ROBO2: variants seen among roughly 807,000 people sequenced by gnomAD.
ROBO2 encodes roundabout guidance receptor 2, also known as roundabout homolog 2.
In ROBO2, 53 loss-of-function variants were observed where a neutral mutation model predicts 160.8. That is an observed-to-expected ratio of 0.33 (90% CI 0.26 to 0.41). The LOEUF (loss-of-function observed/expected upper bound fraction) is 0.41, where lower values mean the gene tolerates loss of function less well. ROBO2 is among the 10% of genes least tolerant of loss of function. ROBO2 has a pLI of 1.00. For missense variants in ROBO2, 1,577 were observed against 1,722.4 expected (o/e 0.92, Z 1.49); for synonymous variants, 664 against 611.7 (o/e 1.09, Z -1.26).
chr3:76,130,345 G>A (rs988630444), intron 2 of ROBO2, among the ~76,000 whole-genome samples: 5 of 151,972 alleles, frequency 3.3e-5, no homozygotes, highest in South Asian at 2.1e-4. Context: ...TGTTTATGCC[G>A]CTATAATTTC....
intron 2 of ROBO2, among the ~76,000 whole-genome samples, chr3:76,810,751 C>G (rs1421275993): frequency 6.6e-6 from 1 of 151,960 alleles, no homozygotes; most frequent in Non-Finnish European, 1.5e-5. Flanking sequence ...AAAAGCTAAC[C>G]TGAAAACAAA....
intron 2 of ROBO2, among the ~76,000 whole-genome samples, chr3:76,480,370 G>T (rs963454804): frequency 2.6e-5 from 4 of 152,072 alleles, no homozygotes; most frequent in Non-Finnish European, 5.9e-5. Flanking sequence ...GTGTCCTTGG[G>T]TTCACTGCTT....
At chr3:76,412,379 T>C (rs2075535997) in intron 2 of ROBO2, among the ~76,000 whole-genome samples, 1 of 152,172 alleles carries the variant, frequency 6.6e-6, no homozygotes, top group Admixed American at 6.5e-5. Context: ...AAACCAATCA[T>C]GCCTTCCCAA....
At chr3:77,102,746 C>T (rs2072148060) in intron 2 of ROBO2, among the ~76,000 whole-genome samples, 1 of 150,662 alleles carries the variant, frequency 6.6e-6, no homozygotes, top group Non-Finnish European at 1.5e-5. Context: ...TTAATACATG[C>T]TTCACCTTTA....
intron 2 of ROBO2, among the ~76,000 whole-genome samples, chr3:77,357,531 T>C (rs2153463812): frequency 6.6e-6 from 1 of 152,276 alleles, no homozygotes; most frequent in East Asian, 1.9e-4. Context: ...CATTACCCAG[T>C]CTCAGGTATT....
At chr3:76,279,704 T>A (rs1257892304) in intron 2 of ROBO2, among the ~76,000 whole-genome samples, 2 of 151,656 alleles carry the variant, frequency 1.3e-5, no homozygotes, top group East Asian at 3.9e-4. Context: ...GAATATTAGA[T>A]AAGGGGAAAC....
intron 2 of ROBO2, among the ~76,000 whole-genome samples, chr3:77,216,542 G>T (rs567546140): frequency 6.6e-6 from 1 of 152,090 alleles, no homozygotes; most frequent in Non-Finnish European, 1.5e-5. Flanking sequence ...GCGATGCCTC[G>T]CCCTGCTTCA....
chr3:76,816,676 T>A (rs1219151912), intron 2 of ROBO2, among the ~76,000 whole-genome samples: 1 of 151,890 alleles, frequency 6.6e-6, no homozygotes, highest in Non-Finnish European at 1.5e-5. Context: ...TCCTCAAGGA[T>A]TTAGAACTAG....
At chr3:76,711,660 G>A (rs903617154) in intron 2 of ROBO2, among the ~76,000 whole-genome samples, 1 of 152,140 alleles carries the variant, frequency 6.6e-6, no homozygotes, top group African/African-American at 2.4e-5. Context: ...TAAGTCGACC[G>A]TCTAGAATGG....
chr3:77,038,628 A>G (rs1237157836), upstream of ROBO2, among the ~76,000 whole-genome samples: 2 of 152,070 alleles, frequency 1.3e-5, no homozygotes, highest in Non-Finnish European at 2.9e-5. Context: ...GACCTGCGTG[A>G]GTTCCTATAA....
Position 76,704,304 on chromosome 3 carries a change from TC to T in ROBO2, c.110-393709del, listed in dbSNP as rs2093111515. 3.3e-5 allele frequency among the ~76,000 whole-genome samples: 5 copies of T among 152,286 alleles called. No individual in the cohort carries two copies. The South Asian group carries it at 1.0e-3, about 32-fold the overall frequency. On this transcript the variant is annotated intron_variant, in intron 2 of 26. Coordinates refer to the ROBO2 transcript ENST00000487694. ...CACAGCAATTGCTTTCAAAACTCCA[TC>T]TTTGTTTAATTTGAATTTCACTTCC... is the stretch of plus-strand genomic sequence containing the variant.
rs1429219759 is a variant in ROBO2 at position 77,061,792 on chromosome 3, G to A, written c.61+20946G>A. ...CTTTAACAGGATTACTGAGTTCCGG[G>A]TGGAACCAATTAACATATAGGGACA... On this transcript the variant is annotated intron_variant, in intron 1 of 25. Coordinates refer to ENST00000461745, the Ensembl canonical transcript of ROBO2. 2.0e-5 allele frequency among the ~76,000 whole-genome samples: 3 copies of A among 152,250 alleles called. No individual in the cohort carries two copies. In the East Asian group the frequency reaches 5.8e-4, roughly 30 times the overall value.
At chr3:76,258,689 G>A (rs1192050848) in intron 2 of ROBO2, among the ~76,000 whole-genome samples, 1 of 151,996 alleles carries the variant, frequency 6.6e-6, no homozygotes, top group Non-Finnish European at 1.5e-5. Context: ...TTTCTAAAAT[G>A]TGTAGCTTAT....
intron 24 of ROBO2, among the ~76,000 whole-genome samples, chr3:77,639,748 G>T (rs1232292896): frequency 6.6e-6 from 1 of 152,124 alleles, no homozygotes; most frequent in Non-Finnish European, 1.5e-5. Context: ...ACTGGACGGG[G>T]TGTGTATATG....
chr3:76,791,843 G>A (rs2063374376), intron 2 of ROBO2, among the ~76,000 whole-genome samples: 1 of 151,654 alleles, frequency 6.6e-6, no homozygotes, highest in African/African-American at 2.4e-5. Context: ...AAATGATACA[G>A]CAATTAAAAA....
chr3:77,500,856 C>A (rs977311359), intron 5 of ROBO2, among the ~76,000 whole-genome samples: 4 of 152,198 alleles, frequency 2.6e-5, no homozygotes, highest in African/African-American at 9.7e-5. Context: ...AGCTTAGGAA[C>A]AATGCTGGAA....
intron 2 of ROBO2, among the ~76,000 whole-genome samples, chr3:76,736,202 A>G (rs2093708953): frequency 6.6e-6 from 1 of 151,644 alleles, no homozygotes; most frequent in Non-Finnish European, 1.5e-5. Flanking sequence ...GAATGGGGGG[A>G]ACCCGGGAGG....
intron 2 of ROBO2, among the ~76,000 whole-genome samples, chr3:76,089,293 T>C (rs2069134748): frequency 6.6e-6 from 1 of 152,042 alleles, no homozygotes; most frequent in Non-Finnish European, 1.5e-5. Context: ...ACAGTCTCTT[T>C]TGGGAGACAA....
At chr3:77,639,301 C>A (rs996829167) in intron 24 of ROBO2, among the ~76,000 whole-genome samples, 1 of 152,092 alleles carries the variant, frequency 6.6e-6, no homozygotes, top group African/African-American at 2.4e-5. Flanking sequence ...CAGACAAAAT[C>A]CCCTGCCTTT....
Sources: gnomAD v4.1 joint callset for allele counts (sites outside exome capture counted in the v4.1 genomes callset) on GRCh38, gnomAD v4.1.1 for gene constraint, MANE v1.5 for transcripts, NCBI Gene and HGNC (gene_info 2026-07-23, HGNC 2026-07-21) for gene names.